Variants in SEMA4D observed in about 807,000 individuals in gnomAD.
SEMA4D encodes semaphorin 4D.
In SEMA4D, 22 loss-of-function variants were observed where a neutral mutation model predicts 74.8. The ratio of observed to expected loss-of-function variants is 0.29; its 90% CI spans 0.21 to 0.42. The LOEUF is 0.42. SEMA4D is among the 10% of genes least tolerant of loss of function. SEMA4D has a pLI of 1.00. For synonymous variants in SEMA4D, 445 were observed against 463.7 expected (o/e 0.96, Z 0.52); for missense variants, 937 against 1,118.4 (o/e 0.84, Z 2.31).
At chr9:89,429,643 A>G (rs1848825659) in intron 2 of SEMA4D, among the ~76,000 whole-genome samples, 1 of 152,144 alleles carries the variant, frequency 6.6e-6, no homozygotes, top group Non-Finnish European at 1.5e-5. Flanking sequence ...GAGCCTGGTG[A>G]GCACTTCATG....
chr9:89,448,217 C>T (rs1853450418), intron 2 of SEMA4D, among the ~76,000 whole-genome samples: 1 of 152,164 alleles, frequency 6.6e-6, no homozygotes, highest in African/African-American at 2.4e-5. Flanking sequence ...CTCAAGTGAT[C>T]CTCCCATCTC....
At chr9:89,360,794 T>C (rs1459278635) in exon 19 of SEMA4D, 1 of 152,188 alleles carries the variant, frequency 6.6e-6, no homozygotes. Context: ...AACTGAACAA[T>C]GTACAACTCT....
At chr9:89,363,585 A>C in intron 17 of SEMA4D, 1 of 1,608,140 alleles carries the variant, frequency 6.2e-7, no homozygotes, top group South Asian at 1.1e-5. Context: ...GGCACCCTTG[A>C]TGCCCACTGG....
In SEMA4D at chr9:89,391,503, T is replaced by A. The variant is rs1020589172; in HGVS notation, c.623-88A>T. 5.9e-6 allele frequency: 8 copies of A among 1,362,814 alleles called. No individual in the cohort carries two copies. In the Admixed American group the frequency reaches 8.8e-5, roughly 15 times the overall value. 84.4% of individuals were successfully genotyped at this position (1,362,814 alleles called of 1,614,324 possible). ...GGTCACGAGGCCGGCCAACACTACC[T>A]TGGGGGCCTGAGGGCTTCCCTGCAA... On this transcript the variant is annotated intron_variant, in intron 8 of 15. Coordinates refer to ENST00000422704, the MANE Select transcript of SEMA4D (RefSeq NM_001371194.2).
chr9:89,409,920 T>C (rs1188819341), intron 2 of SEMA4D, among the ~76,000 whole-genome samples: 1 of 152,098 alleles, frequency 6.6e-6, no homozygotes, highest in Non-Finnish European at 1.5e-5. Context: ...TTATTTCAAC[T>C]CTCTCTGGAA....
intron 1 of SEMA4D, among the ~76,000 whole-genome samples, chr9:89,495,703 C>T (rs1355804104): frequency 1.3e-5 from 2 of 152,184 alleles, no homozygotes; most frequent in Admixed American, 6.5e-5. Context: ...TATATTTTCA[C>T]GTGGCAAGTT....
intron 2 of SEMA4D, chr9:89,450,091 A>G: frequency 8.0e-7 from 1 of 1,243,940 alleles, no homozygotes; most frequent in Non-Finnish European, 1.2e-6. Flanking sequence ...CACTTATTTA[A>G]CTGCATGCCA....
chr9:89,445,819 C>A (rs1852684367), intron 2 of SEMA4D, among the ~76,000 whole-genome samples: 1 of 152,136 alleles, frequency 6.6e-6, no homozygotes, highest in Non-Finnish European at 1.5e-5. Flanking sequence ...CCTACCCCAC[C>A]TTCTACTTTG....
intron 2 of SEMA4D, among the ~76,000 whole-genome samples, chr9:89,430,053 G>T (rs1161419747): frequency 6.6e-6 from 1 of 151,808 alleles, no homozygotes; most frequent in Non-Finnish European, 1.5e-5. Context: ...GGTGGGAGCG[G>T]TCACAAGCCT....
chr9:89,389,333 A>G (rs1839287693), intron 9 of SEMA4D, among the ~76,000 whole-genome samples: 1 of 152,258 alleles, frequency 6.6e-6, no homozygotes, highest in Non-Finnish European at 1.5e-5. Context: ...GCCTGTGCCC[A>G]GCATTCAGTC....
chr9:89,382,578 C>A (rs1837370372), intron 13 of SEMA4D, among the ~76,000 whole-genome samples: 1 of 152,190 alleles, frequency 6.6e-6, no homozygotes, highest in African/African-American at 2.4e-5. Flanking sequence ...CGCCGCTGGC[C>A]TCACAGCAGC....
At position 89,383,680 on chromosome 9, in the gene SEMA4D, A is replaced by G. The variant is rs1230488163; in HGVS notation, c.1447-2334T>C. 3.9e-5 allele frequency among the ~76,000 whole-genome samples: 6 copies of G among 152,308 alleles called. No individual in the cohort carries two copies. The East Asian group carries it at 1.2e-3, about 29-fold the overall frequency. On this transcript the variant is annotated intron_variant, in intron 13 of 15. Transcript: ENST00000422704. ...TAAATGCACACTGGCTATGTGAGAC[A>G]TCGGACATGTGGAGCTAGGTGGGGG...
At chr9:89,387,840 C>T (rs1181224195) in intron 11 of SEMA4D, among the ~76,000 whole-genome samples, 1 of 152,254 alleles carries the variant, frequency 6.6e-6, no homozygotes, top group Admixed American at 6.5e-5. Context: ...ATTCACGATA[C>T]ATACTCAGGG....
In SEMA4D at chr9:89,441,498, G is replaced by A. The variant is rs529781298; in HGVS notation, c.-244+14390C>T. ...ACCCTGAGCTCTGGCTGGAGATGTC[G>A]GTACCGGCCAGGCCCCCATTCCCAC... On this transcript the variant is annotated intron_variant, in intron 2 of 15. Transcript: ENST00000422704. Among the ~76,000 whole-genome samples, 6 of 152,352 alleles carry A rather than the reference G, an allele frequency of 3.9e-5. No individual in the cohort carries two copies. The East Asian group carries it at 7.7e-4, about 20-fold the overall frequency.
At chr9:89,372,682 G>A (rs994328352), downstream of SEMA4D, among the ~76,000 whole-genome samples, 2 of 152,024 alleles carry the variant, frequency 1.3e-5, no homozygotes, top group Admixed American at 1.3e-4. Flanking sequence ...GGATCATAGG[G>A]CTAGCGGCTC....
downstream of SEMA4D, among the ~76,000 whole-genome samples, chr9:89,373,745 A>G (rs1390969295): frequency 6.6e-6 from 1 of 152,222 alleles, no homozygotes; most frequent in Non-Finnish European, 1.5e-5. Context: ...ACACAGGCAG[A>G]AGCGGTAGGC....
chr9:89,387,589 C>T lies in SEMA4D; in HGVS notation c.1127G>A (p.Arg376Gln), dbSNP rs377092543. ...CAAGGAGCTGGTGTAGTTGGCGGCC[C>T]GTGCCTCGCTGTCGATGCACTGCAG... ...RPGACIDSEA[R>Q]AANYTSSLNL... Residue 376 changes from arginine to glutamine, a missense_variant, in exon 12 of 16, where the codon CGG (arginine) becomes CAG (glutamine). Arg to Gln is a conservative substitution (Grantham distance 43, BLOSUM62 1). Transcript: ENST00000422704. 415 of 1,614,106 alleles carry T rather than the reference C, an allele frequency of 2.6e-4. 3 individuals carry two copies. The South Asian group carries it at 4.2e-3, about 16-fold the overall frequency.
At chr9:89,388,025 A>AT (rs891559652) in intron 11 of SEMA4D, among the ~76,000 whole-genome samples, 1 of 152,216 alleles carries the variant, frequency 6.6e-6, no homozygotes, top group Non-Finnish European at 1.5e-5. Flanking sequence ...TAGCTCCCTG[A>AT]TGTGTGTAAA....
chr9:89,441,603 C>T (rs1371100156), intron 2 of SEMA4D, among the ~76,000 whole-genome samples: 1 of 152,242 alleles, frequency 6.6e-6, no homozygotes, highest in Non-Finnish European at 1.5e-5. Context: ...AGCCTGGAAG[C>T]AGCAGGCAGG....
Sources: allele counts gnomAD v4.1 joint callset (sites outside exome capture counted in the v4.1 genomes callset), GRCh38; gene constraint gnomAD v4.1.1; transcripts MANE v1.5; gene names NCBI Gene and HGNC (gene_info 2026-07-23, HGNC 2026-07-21).